EFCAB6: variants seen among roughly 807,000 people sequenced by gnomAD.
The protein encoded by EFCAB6 is EF-hand calcium binding domain 6.
EFCAB6 carries 156 observed loss-of-function variants against 169.8 expected under a neutral mutation model. The ratio of observed to expected loss-of-function variants is 0.92; its 90% CI spans 0.81 to 1.05. EFCAB6 has a LOEUF of 1.05. Among genes scored for constraint, EFCAB6 ranks in the 50% least tolerant of loss-of-function variants. EFCAB6 has a pLI of 0.00. For missense variants in EFCAB6, 1,800 were observed against 1,829.1 expected, an observed-to-expected ratio of 0.98 and a Z score of 0.29; for synonymous variants, 698 against 676.4, an observed-to-expected ratio of 1.03 and a Z score of -0.50.
intron 24 of EFCAB6, among the ~76,000 whole-genome samples, chr22:43,589,280 CAAAAAAAAAAAAAAAAAAAAAA>C (rs1163346832): frequency 9.9e-5 from 8 of 80,934 alleles, no homozygotes; most frequent in Non-Finnish European, 1.7e-4. Context: ...GACTTCATGT[CAAAAAAAAAAAAAAAAAAAAAA>C]AAAAAAAAAA....
At chr22:43,578,421 G>A (rs1003318048) in intron 25 of EFCAB6, among the ~76,000 whole-genome samples, 5 of 152,174 alleles carry the variant, frequency 3.3e-5, no homozygotes, top group Non-Finnish European at 7.4e-5. Flanking sequence ...TGCTGTGGCT[G>A]TTTGGGCTCT....
At chr22:43,616,986 C>T (rs1049597247) in intron 20 of EFCAB6, among the ~76,000 whole-genome samples, 1 of 152,188 alleles carries the variant, frequency 6.6e-6, no homozygotes, top group African/African-American at 2.4e-5. Context: ...GTCATCTCTT[C>T]TGATGTCCCC....
At chr22:43,804,471 G>C (rs2062838344) in intron 2 of EFCAB6, among the ~76,000 whole-genome samples, 1 of 152,124 alleles carries the variant, frequency 6.6e-6, no homozygotes. Flanking sequence ...ATATTATAAA[G>C]ATCAGTGACT....
intron 12 of EFCAB6, among the ~76,000 whole-genome samples, chr22:43,678,875 C>T (rs2057888576): frequency 1.3e-5 from 2 of 152,038 alleles, no homozygotes; most frequent in Admixed American, 1.3e-4. Context: ...ATTAAGTAAG[C>T]AATAAAGCAG....
intron 30 of EFCAB6, 61 bp from the exon 31 acceptor site, chr22:43,531,025 T>A: frequency 6.2e-7 from 1 of 1,603,412 alleles, no homozygotes; most frequent in Non-Finnish European, 8.5e-7. Context: ...TGGGGTGGGC[T>A]CCTCCTCGCC....
chr22:43,682,861 T>C (rs2058057670), intron 12 of EFCAB6, among the ~76,000 whole-genome samples: 1 of 152,200 alleles, frequency 6.6e-6, no homozygotes, highest in South Asian at 2.1e-4. Context: ...AAGAACCCCA[T>C]GTTCCTGAAT....
intron 26 of EFCAB6, among the ~76,000 whole-genome samples, chr22:43,563,921 C>T (rs1238318514): frequency 6.6e-6 from 1 of 152,256 alleles, no homozygotes; most frequent in African/African-American, 2.4e-5. Flanking sequence ...TCTTGACCGG[C>T]TGCGGTGAGC....
chr22:43,755,247 T>G (rs546747130), intron 6 of EFCAB6, among the ~76,000 whole-genome samples: 3 of 152,378 alleles, frequency 2.0e-5, no homozygotes, highest in Non-Finnish European at 4.4e-5. Context: ...CTCCCCGCCT[T>G]AGCTGTGTGC....
At chr22:43,665,795 T>A (rs895623835) in intron 17 of EFCAB6, among the ~76,000 whole-genome samples, 11 of 152,232 alleles carry the variant, frequency 7.2e-5, no homozygotes, top group African/African-American at 2.4e-4. Flanking sequence ...TTCCCTTCTT[T>A]CTTTCTTTTT....
At chr22:43,646,490 C>A (rs957062853) in intron 17 of EFCAB6, among the ~76,000 whole-genome samples, 1 of 152,066 alleles carries the variant, frequency 6.6e-6, no homozygotes, top group South Asian at 2.1e-4. Flanking sequence ...AATTAAAGAG[C>A]CATATTGCAT....
chr22:43,771,880 C>A (rs973916094), intron 4 of EFCAB6, among the ~76,000 whole-genome samples: 4 of 152,342 alleles, frequency 2.6e-5, no homozygotes, highest in Middle Eastern at 3.4e-3. Context: ...TATCCCTTCA[C>A]TTCCGATAGA....
intron 6 of EFCAB6, among the ~76,000 whole-genome samples, chr22:43,737,987 C>G (rs1304817748): frequency 6.6e-6 from 1 of 150,862 alleles, no homozygotes; most frequent in African/African-American, 2.5e-5. Flanking sequence ...TATATTCGCA[C>G]ATATATTCAC....
At chr22:43,605,248 T>C (rs1360092342) in intron 22 of EFCAB6, among the ~76,000 whole-genome samples, 3 of 152,148 alleles carry the variant, frequency 2.0e-5, no homozygotes, top group Non-Finnish European at 2.9e-5. Flanking sequence ...AAGCTAACTA[T>C]GGGAAGAATT....
At chr22:43,682,798 A>G (rs2058055440) in intron 12 of EFCAB6, among the ~76,000 whole-genome samples, 1 of 152,202 alleles carries the variant, frequency 6.6e-6, no homozygotes, top group South Asian at 2.1e-4. Context: ...TAAGCACTCA[A>G]CATTATTGTT....
At chr22:43,773,413 A>G (rs1219229389) in intron 3 of EFCAB6, among the ~76,000 whole-genome samples, 1 of 152,258 alleles carries the variant, frequency 6.6e-6, no homozygotes, top group Non-Finnish European at 1.5e-5. Context: ...TTTAGTCAAT[A>G]TCATTCAAAT....
At chr22:43,568,826 C>T (rs1219027016) in intron 26 of EFCAB6, among the ~76,000 whole-genome samples, 5 of 152,176 alleles carry the variant, frequency 3.3e-5, no homozygotes, top group South Asian at 2.1e-4. Flanking sequence ...AAAACGATTA[C>T]GAGAAATTCT....
intron 27 of EFCAB6, among the ~76,000 whole-genome samples, chr22:43,547,460 C>T (rs1378588991): frequency 6.6e-6 from 1 of 152,216 alleles, no homozygotes; most frequent in Admixed American, 6.5e-5. Flanking sequence ...CTCAATCTGG[C>T]CAGGTGCAGT....
intron 17 of EFCAB6, among the ~76,000 whole-genome samples, chr22:43,650,593 T>C (rs1301341868): frequency 6.6e-6 from 1 of 152,064 alleles, no homozygotes; most frequent in Non-Finnish European, 1.5e-5. Context: ...TACCTGAAAA[T>C]GTGGAAGTGA....
At chr22:43,735,418 T>C (rs766794942) in intron 7 of EFCAB6, among the ~76,000 whole-genome samples, 48 of 151,938 alleles carry the variant, frequency 3.2e-4, no homozygotes, top group Non-Finnish European at 6.2e-4. Flanking sequence ...TGTATCAGGA[T>C]GCAGAGCCAA....
Sources: allele counts gnomAD v4.1 joint callset (sites outside exome capture counted in the v4.1 genomes callset), GRCh38; gene constraint gnomAD v4.1.1; transcripts MANE v1.5; gene names NCBI Gene and HGNC (gene_info 2026-07-23, HGNC 2026-07-21).